TMEM170B: variants seen among roughly 807,000 people sequenced by gnomAD.
The protein encoded by TMEM170B is transmembrane protein 170B.
A neutral mutation model predicts 13.0 loss-of-function variants in TMEM170B; 6 were observed. The ratio of observed to expected loss-of-function variants is 0.46; its 90% confidence interval spans 0.25 to 0.91. The LOEUF (loss-of-function observed/expected upper bound fraction) is 0.91. Among genes scored for constraint, TMEM170B ranks in the 40% least tolerant of loss-of-function variants. The pLI, the probability that TMEM170B is intolerant of heterozygous loss-of-function variation, is 0.17. For synonymous variants in TMEM170B, 61 were observed against 64.9 expected (o/e 0.94, Z 0.29); for missense variants, 138 against 165.2 (o/e 0.84, Z 0.90).
intron 1 of TMEM170B, among the ~76,000 whole-genome samples, chr6:11,550,214 C>T (rs1304753413): frequency 6.6e-6 from 1 of 151,358 alleles, no homozygotes; most frequent in Non-Finnish European, 1.5e-5. Context: ...ACTTTGTCAC[C>T]CAGGCTGGAG....
intron 1 of TMEM170B, among the ~76,000 whole-genome samples, chr6:11,559,197 C>CTT (rs754732208): frequency 3.6e-5 from 5 of 139,820 alleles, no homozygotes; most frequent in South Asian, 2.3e-4. Context: ...CTTTTCTTTT[C>CTT]TTTTTTTTTT....
At position 11,575,489 on chromosome 6, in the gene TMEM170B, G is replaced by A. The variant is rs564099336; in HGVS notation, c.327G>A (p.Ala109=). 2.4e-4 allele frequency: 380 copies of A among 1,613,458 alleles called. 7 individuals carry two copies. In the South Asian group the frequency reaches 3.7e-3, roughly 16 times the overall value. The stretch of plus-strand genomic sequence containing the variant: ...GGAAGAACATGGCCCCTTTGGAAGC[G>A]CTGGTATGGGGCGTTGGACAGACTG... ...VAGKNMAPLE[A]LVWGVGQTVL... Residue 109 remains alanine (A), a synonymous_variant, in exon 3 of 3, where the codon GCG becomes GCA. Transcript: ENST00000379426. The surrounding 1 kb of genome is among the most constrained non-coding windows in gnomAD (Gnocchi z 4.1).
At chr6:11,538,471 C>A in intron 1 of TMEM170B, 97 bp downstream of exon 1, 1 of 902,546 alleles carries the variant, frequency 1.1e-6, no homozygotes, top group Non-Finnish European at 1.6e-6. Context: ...CGCCCCACCC[C>A]CGTGCGCGCC....
At chr6:11,559,026 A>G (rs1759626099) in intron 1 of TMEM170B, among the ~76,000 whole-genome samples, 1 of 152,142 alleles carries the variant, frequency 6.6e-6, no homozygotes, top group Non-Finnish European at 1.5e-5. Flanking sequence ...TTCATGGGCC[A>G]TATAATCTCT....
At chr6:11,543,179 G>A (rs369847273) in intron 1 of TMEM170B, among the ~76,000 whole-genome samples, 50 of 152,104 alleles carry the variant, frequency 3.3e-4, no homozygotes, top group African/African-American at 1.2e-3. Context: ...GCTTTTTGAG[G>A]GTCAGTCCAT....
At chr6:11,551,195 G>GT (rs1345928331) in intron 1 of TMEM170B, among the ~76,000 whole-genome samples, 3 of 152,102 alleles carry the variant, frequency 2.0e-5, no homozygotes, top group Non-Finnish European at 4.4e-5. Flanking sequence ...ACTCACAACT[G>GT]TTTTTTTCAG....
At chr6:11,538,856 C>G (rs1034209244) in intron 1 of TMEM170B, among the ~76,000 whole-genome samples, 1 of 152,190 alleles carries the variant, frequency 6.6e-6, no homozygotes, top group African/African-American at 2.4e-5. Context: ...TTTTCAACCG[C>G]TAATTTTTTG....
chr6:11,559,890 T>G (rs1759639647), intron 1 of TMEM170B, among the ~76,000 whole-genome samples: 1 of 151,934 alleles, frequency 6.6e-6, no homozygotes, highest in African/African-American at 2.4e-5. Flanking sequence ...GAATGTTTAG[T>G]GCATAGTAAG....
intron 1 of TMEM170B, among the ~76,000 whole-genome samples, chr6:11,562,468 A>G (rs1048015190): frequency 6.6e-6 from 1 of 151,372 alleles, no homozygotes; most frequent in African/African-American, 2.4e-5. Context: ...TATCAGATGT[A>G]TCTTCTTTGA....
rs1759966814 is a variant in TMEM170B, at chr6:11,582,220, A to C, written c.*6659A>C. ...AAATATAGTTTACCTGACAAGTATT[A>C]AAAGTCTCACTTTCAAATTGTGTTA... On this transcript the variant is annotated 3_prime_UTR_variant, in exon 3 of 3. Coordinates refer to ENST00000379426, the MANE Select transcript of TMEM170B (RefSeq NM_001100829.3). 1 of 152,236 alleles carries C rather than the reference A, an allele frequency of 6.6e-6. No individual in the cohort carries two copies. The highest frequency in any genetic ancestry group is 6.5e-5 in the Admixed American group (1 of 15,284). 9.4% of individuals were successfully genotyped at this position (152,236 alleles called of 1,614,324 possible).
intron 1 of TMEM170B, among the ~76,000 whole-genome samples, chr6:11,545,169 G>A (rs936858069): frequency 3.3e-5 from 5 of 151,930 alleles, no homozygotes; most frequent in African/African-American, 1.2e-4. Context: ...GTCTCTCTGT[G>A]TCAGCAGCAA....
intron 1 of TMEM170B, among the ~76,000 whole-genome samples, chr6:11,546,314 G>A (rs572376161): frequency 1.3e-5 from 2 of 152,098 alleles, no homozygotes; most frequent in South Asian, 2.1e-4. Flanking sequence ...TCATACAGCT[G>A]TACAATGTAT....
intron 1 of TMEM170B, among the ~76,000 whole-genome samples, chr6:11,549,534 G>A (rs184366258): frequency 1.6e-3 from 246 of 152,126 alleles, no homozygotes; most frequent in Admixed American, 6.9e-3. Flanking sequence ...GTAGTGGCGG[G>A]CACCTATAGT....
chr6:11,545,575 G>A (rs1483893838), intron 1 of TMEM170B, among the ~76,000 whole-genome samples: 1 of 152,068 alleles, frequency 6.6e-6, no homozygotes, highest in Non-Finnish European at 1.5e-5. Context: ...CGTGTTTATG[G>A]TGATGCTGGT....
chr6:11,552,537 C>T (rs1030585792), intron 1 of TMEM170B, among the ~76,000 whole-genome samples: 3 of 152,154 alleles, frequency 2.0e-5, no homozygotes, highest in Non-Finnish European at 4.4e-5. Flanking sequence ...CTGCCATGTG[C>T]ATGTGCAGAA....
chr6:11,538,393 C>T lies in TMEM170B; in HGVS notation c.97+19C>T. 6.7e-7 allele frequency: 1 copy of T among 1,493,090 alleles called. No homozygotes were observed. 92.5% of individuals were successfully genotyped at this position (1,493,090 alleles called of 1,614,324 possible). A position where few individuals can be genotyped will look rare whatever the true frequency, so the allele number is the denominator to read the frequency against. ...CTCACGGGTAATTGACGCGCCTGGG[C>T]TGGGGACGGGGATGCGGTCCGCCCC... On this transcript the variant is annotated intron_variant, in intron 1 of 2. Transcript: ENST00000379426.
intron 1 of TMEM170B, among the ~76,000 whole-genome samples, chr6:11,558,610 C>T (rs1034978454): frequency 6.6e-6 from 1 of 152,178 alleles, no homozygotes; most frequent in African/African-American, 2.4e-5. Context: ...AGTCCCACCT[C>T]CCACTCCCCA....
intron 2 of TMEM170B, among the ~76,000 whole-genome samples, chr6:11,571,937 C>CA (rs1414826385): frequency 1.3e-5 from 2 of 152,020 alleles, no homozygotes; most frequent in African/African-American, 4.8e-5. Context: ...AAGAGAAACT[C>CA]AATCACATTA....
chr6:11,549,733 T>G (rs1044701018), intron 1 of TMEM170B, among the ~76,000 whole-genome samples: 1 of 152,092 alleles, frequency 6.6e-6, no homozygotes, highest in Non-Finnish European at 1.5e-5. Flanking sequence ...GCTAAGTAGA[T>G]TAAGCATTGA....
Sources: allele counts gnomAD v4.1 joint callset (sites outside exome capture counted in the v4.1 genomes callset), GRCh38; gene constraint gnomAD v4.1.1; non-coding constraint Gnocchi (gnomAD v3.1); transcripts MANE v1.5; gene names NCBI Gene and HGNC (gene_info 2026-07-23, HGNC 2026-07-21).